The following CEP95 variants were observed in gnomAD, a reference collection of about 807,000 sequenced individuals.
CEP95 encodes the protein centrosomal protein of 95 kDa.
CEP95 carries 98 observed loss-of-function variants against 111.2 expected under a neutral mutation model. The ratio of observed to expected loss-of-function variants is 0.88; its 90% CI spans 0.75 to 1.04. The LOEUF is 1.04. Among genes scored for constraint, CEP95 ranks in the 50% least tolerant of loss-of-function variants. The pLI is 0.00. For missense variants in CEP95, 1,027 were observed against 977.2 expected (o/e 1.05, Z -0.68); for synonymous variants, 323 against 327.1 (o/e 0.99, Z 0.14).
chr17:64,521,159 C>T (rs1967302991), intron 6 of CEP95, among the ~76,000 whole-genome samples: 1 of 152,150 alleles, frequency 6.6e-6, no homozygotes, highest in African/African-American at 2.4e-5. Context: ...ATTGCTTGAA[C>T]CTGGAAGGTG....
chr17:64,506,968 T>C (rs963896580), upstream of CEP95: 8 of 1,009,034 alleles, frequency 7.9e-6, no homozygotes, highest in East Asian at 2.6e-5. Flanking sequence ...CGTCCTTCTT[T>C]CACGCCTCCT....
chr17:64,515,814 T>C (rs2039109383), intron 4 of CEP95: 2 of 152,224 alleles, frequency 1.3e-5, no homozygotes, highest in South Asian at 2.1e-4. Flanking sequence ...ATCTTTATTA[T>C]CACTAATCAT....
chr17:64,519,887 C>A (rs1469528206), intron 6 of CEP95, among the ~76,000 whole-genome samples: 14 of 152,208 alleles, frequency 9.2e-5, no homozygotes, highest in Admixed American at 8.5e-4. Context: ...GGATATCTTT[C>A]AAGCCCCAAT....
Position 64,527,199 on chromosome 17 carries a change from C to T in CEP95, c.1241C>T (p.Thr414Ile). ...GGAAATGAGGAGGTAGAGGATGGAA[C>T]TGAGGAGACACTGTCTCAGCACAGT... ...NTGNEEVEDG[T>I]EETLSQHSDG... is the part of the protein sequence containing the mutation. Residue 414 changes from threonine to isoleucine, a missense_variant, in exon 11 of 20, where the codon ACT becomes ATT. Coordinates refer to ENST00000556440, the MANE Select transcript of CEP95 (RefSeq NM_138363.3). The T allele has an allele frequency of 6.2e-7, 1 of 1,613,718 alleles. No individual in the cohort carries two copies.
chr17:64,508,911 T>C lies in CEP95; in HGVS notation c.148+191T>C, dbSNP rs192831522. Among the ~76,000 whole-genome samples the C allele has an allele frequency of 2.9e-3, 447 of 151,676 alleles. 1 individual carries two copies. Among genetic ancestry groups the C allele is most frequent in the African/African-American group, 0.01 (429 of 41,462 alleles). On this transcript the variant is annotated intron_variant, in intron 2 of 19. Coordinates refer to ENST00000556440, the MANE Select transcript of CEP95 (RefSeq NM_138363.3). ...ATATTGTATATTAAATTGTATTTAATATCACATATTGTATAATTATAATAT... is the reference window on the plus strand; with the variant it reads ...ATATTGTATATTAAATTGTATTTAACATCACATATTGTATAATTATAATAT...
At chr17:64,519,839 A>C (rs1967176235) in intron 6 of CEP95, among the ~76,000 whole-genome samples, 1 of 152,252 alleles carries the variant, frequency 6.6e-6, no homozygotes, top group African/African-American at 2.4e-5. Context: ...GCTTCAGGCC[A>C]GATTTCCAAC....
chr17:64,532,802 A>G (rs1297312385), intron 14 of CEP95, 37 bp from the exon 15 acceptor site: 1 of 1,586,224 alleles, frequency 6.3e-7, no homozygotes, highest in Non-Finnish European at 8.6e-7. Flanking sequence ...GTTCTTGTCC[A>G]CGTCTCAGAT....
chr17:64,517,061 T>C (rs538072090), intron 5 of CEP95, among the ~76,000 whole-genome samples: 67 of 152,346 alleles, frequency 4.4e-4, no homozygotes, highest in African/African-American at 1.6e-3. Flanking sequence ...TTTTTTTCTT[T>C]TTTGAGACGG....
Position 64,526,075 on chromosome 17 carries a change from G to A in CEP95, c.1027G>A (p.Glu343Lys). The A allele has an allele frequency of 1.9e-6, 3 of 1,611,152 alleles. 1 individual carries two copies. The highest frequency in any genetic ancestry group is 2.5e-6 in the Non-Finnish European group (3 of 1,179,056). ...TRKPPKGKRN[E>K]NRATASSCNS... is the part of the protein sequence containing the mutation. The stretch of plus-strand genomic sequence containing the variant: ...AAATGGTCACTTTTATTACAGAAAT[G>A]AAAACAGAGCTACAGCCTCATCCTG... Residue 343 changes from glutamate to lysine, a missense_variant, in exon 10 of 20, where the codon GAA (glutamate) becomes AAA (lysine). Glu to Lys is a moderately conservative substitution (Grantham distance 56). Transcript: ENST00000556440.
chr17:64,528,616 AAAT>A (rs1968038808), intron 11 of CEP95, among the ~76,000 whole-genome samples: 1 of 152,242 alleles, frequency 6.6e-6, no homozygotes, highest in African/African-American at 2.4e-5. Flanking sequence ...CATGTGAAAA[AAAT>A]AATAAGCTCG....
At chr17:64,526,653 T>A (rs1555679198) in intron 10 of CEP95, among the ~76,000 whole-genome samples, 3 of 152,202 alleles carry the variant, frequency 2.0e-5, no homozygotes, top group African/African-American at 7.2e-5. Flanking sequence ...AGCACTGATA[T>A]ACACCTTTTT....
chr17:64,520,624 G>C (rs1337864400), intron 6 of CEP95: 1 of 152,098 alleles, frequency 6.6e-6, no homozygotes, highest in African/African-American at 2.4e-5. Flanking sequence ...GTAGAGATGG[G>C]GTTTCGCCAT....
rs1555679090 is a variant in CEP95 at position 64,526,203 on chromosome 17, A to C, written c.1152+3A>C. The C allele has an allele frequency of 1.2e-6, 2 of 1,605,688 alleles. No individual in the cohort carries two copies. Among genetic ancestry groups the C allele is most frequent in the Non-Finnish European group, 1.7e-6 (2 of 1,177,262 alleles). On this transcript the variant is annotated splice_donor_region_variant and intron_variant, in intron 10 of 19. Transcript: ENST00000556440. ...AGCGGCTTTCTGAACTAGATTGGGCAAGTCTTGTTTTTTCATCTATATTGA... is the reference window on the plus strand; with the variant it reads ...AGCGGCTTTCTGAACTAGATTGGGCCAGTCTTGTTTTTTCATCTATATTGA...
At chr17:64,527,071 T>A in intron 10 of CEP95, 40 bp from the exon 11 acceptor site, 2 of 1,572,978 alleles carry the variant, frequency 1.3e-6, no homozygotes, top group Middle Eastern at 2.2e-4. Context: ...TACATTCTGC[T>A]GAAATCAGTG....
At chr17:64,518,978 G>T (rs533320286) in intron 5 of CEP95, among the ~76,000 whole-genome samples, 140 of 152,234 alleles carry the variant, frequency 9.2e-4, no homozygotes, top group African/African-American at 3.2e-3. Context: ...ACCATGCCCG[G>T]CCTGATGAAC....
chr17:64,524,579 G>A (rs1393956663), intron 8 of CEP95, among the ~76,000 whole-genome samples: 1 of 152,040 alleles, frequency 6.6e-6, no homozygotes, highest in African/African-American at 2.4e-5. Context: ...CCAGATTGCT[G>A]AGATTATAGG....
chr17:64,521,906 G>T (rs782675813), intron 7 of CEP95, among the ~76,000 whole-genome samples: 1 of 152,072 alleles, frequency 6.6e-6, no homozygotes, highest in Non-Finnish European at 1.5e-5. Flanking sequence ...GCCCAGGCTG[G>T]AGTGCAGTGG....
At chr17:64,525,687 A>C in intron 8 of CEP95, 83 bp from the exon 9 acceptor site, 1 of 834,188 alleles carries the variant, frequency 1.2e-6, no homozygotes, top group Non-Finnish European at 1.9e-6. Context: ...TTTGTGCCAC[A>C]GTTCCTCCCT....
intron 3 of CEP95, among the ~76,000 whole-genome samples, chr17:64,510,716 A>AT (rs2038847395): frequency 6.6e-6 from 1 of 151,866 alleles, no homozygotes; most frequent in Admixed American, 6.6e-5. Context: ...TGCCTGGCTA[A>AT]TTTTTTCTAT....
Sources: allele counts gnomAD v4.1 joint callset (sites outside exome capture counted in the v4.1 genomes callset), GRCh38; gene constraint gnomAD v4.1.1; transcripts MANE v1.5; gene names NCBI Gene and HGNC (gene_info 2026-07-23, HGNC 2026-07-21).